The following NUP37 variants were observed in gnomAD, a reference collection of about 807,000 sequenced individuals.
NUP37 encodes the protein nucleoporin 37, also known as nucleoporin Nup37.
Under a neutral mutation model 45.4 loss-of-function variants are expected in NUP37, and 33 were observed. The observed-to-expected ratio is 0.73, with a 90% CI of 0.55 to 0.97. The LOEUF is 0.97. NUP37 is among the 50% of genes least tolerant of loss of function. The probability of loss-of-function intolerance (pLI) is 0.00; values close to 1 mark genes in which losing one functional copy is unlikely to be tolerated. For synonymous variants in NUP37, 127 were observed against 130.7 expected (o/e 0.97, Z 0.19); for missense variants, 365 against 389.7 (o/e 0.94, Z 0.53).
At chr12:102,103,078 G>T (rs901270779) in intron 3 of NUP37, among the ~76,000 whole-genome samples, 4 of 152,038 alleles carry the variant, frequency 2.6e-5, no homozygotes, top group African/African-American at 9.7e-5. Context: ...GCTATCTGGG[G>T]TGTTTTATAA....
chr12:102,081,270 A>C (rs777848049), intron 6 of NUP37, among the ~76,000 whole-genome samples: 2 of 152,198 alleles, frequency 1.3e-5, no homozygotes, highest in Non-Finnish European at 2.9e-5. Flanking sequence ...CTAACAAAAG[A>C]TTTTTGTTAT....
At chr12:102,083,497 C>A (rs181908706) in intron 6 of NUP37, among the ~76,000 whole-genome samples, 9 of 152,148 alleles carry the variant, frequency 5.9e-5, no homozygotes, top group Non-Finnish European at 8.8e-5. Flanking sequence ...GTGAAAGCTG[C>A]GAGAAGATTT....
intron 4 of NUP37, among the ~76,000 whole-genome samples, chr12:102,099,439 A>G (rs1260681852): frequency 6.6e-6 from 1 of 150,656 alleles, no homozygotes; most frequent in Non-Finnish European, 1.5e-5. Context: ...CTTTTCTAGT[A>G]TGCATTTCTT....
At position 102,085,754 on chromosome 12, in the gene NUP37, A is replaced by C. The variant is rs762475317; in HGVS notation, c.540+12T>G. 5.3e-6 allele frequency: 7 copies of C among 1,327,346 alleles called. No homozygotes were observed. The highest frequency in any genetic ancestry group is 7.4e-6 in the Non-Finnish European group (7 of 940,764). 82.2% of individuals were successfully genotyped at this position (1,327,346 alleles called of 1,614,324 possible). ...TTCAATTTGATAAGAGAGTTAAATT[A>C]TAAATAATAACCTTAAAAGTCTCCT... On this transcript the variant is annotated intron_variant, in intron 6 of 9. Transcript: ENST00000552283.
rs1442904621 is a variant in NUP37, at chr12:102,076,705, C to T, written c.773+92G>A. 5.1e-6 allele frequency: 5 copies of T among 979,664 alleles called. No homozygotes were observed. The Admixed American group carries it at 1.3e-4, about 25-fold the overall frequency. 60.7% of individuals were successfully genotyped at this position (979,664 alleles called of 1,614,324 possible). A position where few individuals can be genotyped will look rare whatever the true frequency, so the allele number is the denominator to read the frequency against. ...AAAACAATAAGGGAAAAAAAAAATC[C>T]AGTGCAAAGAAGAGAACTACAAAAG... is the stretch of plus-strand genomic sequence containing the variant. On this transcript the variant is annotated intron_variant, in intron 8 of 9. Coordinates refer to ENST00000552283, the MANE Select transcript of NUP37 (RefSeq NM_024057.4).
chr12:102,085,295 G>A (rs1879436379), intron 6 of NUP37, among the ~76,000 whole-genome samples: 1 of 152,028 alleles, frequency 6.6e-6, no homozygotes, highest in African/African-American at 2.4e-5. Context: ...GGTGGCATGT[G>A]CCTATAGTCC....
chr12:102,116,199 A>G (rs751173272), intron 2 of NUP37, among the ~76,000 whole-genome samples: 7 of 151,978 alleles, frequency 4.6e-5, no homozygotes, highest in Non-Finnish European at 1.0e-4. Flanking sequence ...TCCCTCTCTC[A>G]TCTTTGCCTC....
At chr12:102,100,954 G>T (rs920883616) in intron 4 of NUP37, 78 bp downstream of exon 4, 10 of 810,470 alleles carry the variant, frequency 1.2e-5, no homozygotes, top group African/African-American at 3.6e-5. Flanking sequence ...TTTTAAATTG[G>T]AATAAATCCA....
intron 2 of NUP37, among the ~76,000 whole-genome samples, chr12:102,117,341 T>C (rs1880492752): frequency 6.6e-6 from 1 of 151,644 alleles, no homozygotes; most frequent in African/African-American, 2.4e-5. Flanking sequence ...TCCCAGCTAC[T>C]TGGGAGGCTG....
At chr12:102,077,258 G>C (rs988006611) in intron 7 of NUP37, 64 bp downstream of exon 7, 1 of 1,520,820 alleles carries the variant, frequency 6.6e-7, no homozygotes, top group Non-Finnish European at 9.1e-7. Context: ...TGGATGAGTG[G>C]ATCATTTAGC....
intron 5 of NUP37, among the ~76,000 whole-genome samples, chr12:102,098,440 A>C (rs770422892): frequency 6.6e-6 from 1 of 152,178 alleles, no homozygotes; most frequent in Non-Finnish European, 1.5e-5. Context: ...ATTCCACACA[A>C]ACTTATCATA....
At chr12:102,083,986 T>C (rs1340275247) in intron 6 of NUP37, among the ~76,000 whole-genome samples, 3 of 152,186 alleles carry the variant, frequency 2.0e-5, no homozygotes, top group Non-Finnish European at 4.4e-5. Context: ...GTACAAGTGA[T>C]GGATTCAAAC....
intron 6 of NUP37, among the ~76,000 whole-genome samples, chr12:102,080,216 G>A (rs1157499812): frequency 2.0e-5 from 3 of 152,166 alleles, no homozygotes; most frequent in Non-Finnish European, 4.4e-5. Context: ...TATAGACAAT[G>A]TTTGTTTGGA....
intron 2 of NUP37, among the ~76,000 whole-genome samples, chr12:102,114,391 T>C (rs1184293810): frequency 1.3e-5 from 2 of 152,226 alleles, no homozygotes; most frequent in Non-Finnish European, 2.9e-5. Context: ...GTTTTACCAG[T>C]GAAACCTGTT....
chr12:102,082,026 T>C (rs185001254), intron 6 of NUP37, among the ~76,000 whole-genome samples: 1 of 152,258 alleles, frequency 6.6e-6, no homozygotes, highest in East Asian at 1.9e-4. Context: ...ACCTCTTTTT[T>C]CTTAGGGTCA....
Position 102,095,347 on chromosome 12 carries a change from C to A in NUP37, c.449+3759G>T, listed in dbSNP as rs186106530. On this transcript the variant is annotated intron_variant, in intron 5 of 9. Coordinates refer to ENST00000552283, the MANE Select transcript of NUP37 (RefSeq NM_024057.4). ...AATGACACTAGGTCATAACTATGAA[C>A]GTATTTATATTTTTCTGTGCATATG... 1.8e-3 allele frequency among the ~76,000 whole-genome samples: 267 copies of A among 152,102 alleles called. 1 individual carries two copies. The highest frequency in any genetic ancestry group is 6.3e-3 in the African/African-American group (263 of 41,528).
chr12:102,075,139 T>C (rs1879133941), intron 8 of NUP37, 45 bp from the exon 9 acceptor site: 2 of 1,233,556 alleles, frequency 1.6e-6, no homozygotes, highest in Non-Finnish European at 2.3e-6. Context: ...ATCCTATGGA[T>C]AATGACAAGC....
chr12:102,113,823 A>G (rs914864792), intron 2 of NUP37, among the ~76,000 whole-genome samples: 6 of 152,216 alleles, frequency 3.9e-5, no homozygotes, highest in Non-Finnish European at 8.8e-5. Flanking sequence ...ATCTAAATGC[A>G]AAGTTTTATA....
chr12:102,076,355 G>A (rs1023496976), intron 8 of NUP37, among the ~76,000 whole-genome samples: 4 of 152,164 alleles, frequency 2.6e-5, no homozygotes, highest in Admixed American at 6.5e-5. Context: ...ATACAATGGA[G>A]TATTATGAAA....
Sources: gnomAD v4.1 joint callset for allele counts (sites outside exome capture counted in the v4.1 genomes callset) on GRCh38, gnomAD v4.1.1 for gene constraint, MANE v1.5 for transcripts, NCBI Gene and HGNC (gene_info 2026-07-23, HGNC 2026-07-21) for gene names.